Variants in SPEN observed in about 807,000 individuals in gnomAD.
SPEN encodes msx2-interacting protein.
Under a neutral mutation model 269.9 loss-of-function variants are expected in SPEN, and 18 were observed. That is an observed-to-expected ratio of 0.07 (90% CI 0.05 to 0.10). SPEN has a LOEUF of 0.10. SPEN is among the 10% of genes least tolerant of loss of function. SPEN has a pLI of 1.00. For missense variants in SPEN, 3,822 were observed against 4,631.2 expected, an observed-to-expected ratio of 0.83 and a Z score of 5.07; for synonymous variants, 1,726 against 1,765.7, an observed-to-expected ratio of 0.98 and a Z score of 0.56.
At chr1:15,872,669 C>T (rs887245393) in intron 1 of SPEN, 147 bp from the exon 2 acceptor site, 83 of 464,488 alleles carry the variant, frequency 1.8e-4, no homozygotes, top group South Asian at 5.7e-4. Flanking sequence ...GAGAGAAAAA[C>T]GTTAAGTGTA....
At chr1:15,906,684 G>A (rs1034298943) in intron 3 of SPEN, among the ~76,000 whole-genome samples, 4 of 151,010 alleles carry the variant, frequency 2.6e-5, no homozygotes, top group Admixed American at 1.3e-4. Context: ...GGCTAGCCTC[G>A]AACTCCTGGC....
intron 5 of SPEN, among the ~76,000 whole-genome samples, chr1:15,912,051 C>G (rs1324442445): frequency 6.6e-6 from 1 of 152,190 alleles, no homozygotes; most frequent in Non-Finnish European, 1.5e-5. Context: ...ATGTCCAATA[C>G]AAGTTGGGTC....
intron 5 of SPEN, among the ~76,000 whole-genome samples, chr1:15,911,676 T>G (rs1215384069): frequency 6.6e-6 from 1 of 152,160 alleles, no homozygotes; most frequent in Non-Finnish European, 1.5e-5. Flanking sequence ...GGAAACTACT[T>G]CTGGTTGGGC....
At chr1:15,911,686 C>T (rs969354176) in intron 5 of SPEN, among the ~76,000 whole-genome samples, 2 of 152,136 alleles carry the variant, frequency 1.3e-5, no homozygotes, top group Admixed American at 6.5e-5. Context: ...TCTGGTTGGG[C>T]GCAGTGGCTC....
In SPEN at chr1:15,929,342, G is replaced by A. The variant is rs1261545504; in HGVS notation, c.3102G>A (p.Glu1034=). ...SREVILLREG[E]AERKPVRKEI... is the part of the protein sequence containing the mutation. Reference sequence around the variant, plus strand: ...AGGTCATTCTGCTGAGGGAAGGAGAGGCTGAAAGAAAGCCTGTGAGGAAAG... The same window carrying A: ...AGGTCATTCTGCTGAGGGAAGGAGAAGCTGAAAGAAAGCCTGTGAGGAAAG... The change falls in exon 11 of 15, where the codon GAG becomes GAA. Residue 1034 remains glutamate, a synonymous_variant. Coordinates refer to ENST00000375759, the MANE Select transcript of SPEN (RefSeq NM_015001.3). This position sits in a 1 kb window ranked among gnomAD's most constrained non-coding sequence, Gnocchi z 5.8. 1 of 1,612,862 alleles carries A rather than the reference G, an allele frequency of 6.2e-7. No homozygotes were observed. Among genetic ancestry groups the A allele is most frequent in the African/African-American group, 1.3e-5 (1 of 74,746 alleles).
At position 15,933,946 on chromosome 1, in the gene SPEN, A is replaced by G; in HGVS notation, c.7706A>G (p.His2569Arg). Residue 2569 changes from histidine to arginine, a missense_variant, in exon 11 of 15, where the codon CAT (histidine) becomes CGT (arginine). Around this residue, in one of 16 missense-constraint regions of SPEN, gnomAD observed 727 missense variants for 737.9 expected, o/e 0.99. Coordinates refer to ENST00000375759, the MANE Select transcript of SPEN (RefSeq NM_015001.3). The surrounding 1 kb of genome is among the most constrained non-coding windows in gnomAD (Gnocchi z 5.7). ...CCTGTCAGTGCTGCCCCTTGCCTACATGAGGCCCCGCCCCCGCCAGTTGAC... is the reference window on the plus strand; with the variant it reads ...CCTGTCAGTGCTGCCCCTTGCCTACGTGAGGCCCCGCCCCCGCCAGTTGAC... Reference protein sequence around the residue: ...AEPVSAAPCLHEAPPPPVDSK... With the variant: ...AEPVSAAPCLREAPPPPVDSK... 5.0e-6 allele frequency: 8 copies of G among 1,614,016 alleles called. No homozygotes were observed. The highest frequency in any genetic ancestry group is 5.9e-6 in the Non-Finnish European group (7 of 1,179,936).
chr1:15,871,109 T>C (rs537484722), intron 1 of SPEN, among the ~76,000 whole-genome samples: 1 of 152,108 alleles, frequency 6.6e-6, no homozygotes, highest in Non-Finnish European at 1.5e-5. Context: ...GCTGGGATTA[T>C]AGGCGTGTGC....
intron 3 of SPEN, among the ~76,000 whole-genome samples, chr1:15,901,721 A>G (rs1223111718): frequency 6.6e-6 from 1 of 151,776 alleles, no homozygotes; most frequent in Non-Finnish European, 1.5e-5. Flanking sequence ...GTGGAGTTGA[A>G]AATGGTAATG....
chr1:15,870,144 A>G (rs938222268), intron 1 of SPEN, among the ~76,000 whole-genome samples: 9 of 152,166 alleles, frequency 5.9e-5, no homozygotes, highest in Non-Finnish European at 1.3e-4. Context: ...TGCTGCGATT[A>G]CAGGTGTGAG....
chr1:15,886,839 T>G (rs1200337686), intron 3 of SPEN, among the ~76,000 whole-genome samples: 1 of 152,184 alleles, frequency 6.6e-6, no homozygotes, highest in Non-Finnish European at 1.5e-5. Flanking sequence ...ACTGTCCCTC[T>G]CACCCCTTCT....
At chr1:15,916,510 CTT>C (rs34713584) in intron 6 of SPEN, among the ~76,000 whole-genome samples, 347 of 113,524 alleles carry the variant, frequency 3.1e-3, no homozygotes, top group African/African-American at 0.01. Flanking sequence ...TTTCTTACCT[CTT>C]TTTTTTTTTT....
In SPEN at chr1:15,909,362, G is replaced by A. The variant is rs752245407; in HGVS notation, c.923G>A (p.Arg308Gln). Residue 308 changes from arginine to glutamine, a missense_variant, in exon 4 of 15, where the codon CGA becomes CAA. Arg to Gln is a conservative substitution (Grantham distance 43, BLOSUM62 1). Around this residue, in one of 16 missense-constraint regions of SPEN, gnomAD observed 327 missense variants for 350.8 expected, o/e 0.93. Coordinates refer to ENST00000375759, the MANE Select transcript of SPEN (RefSeq NM_015001.3). ...AGTTCAAGTGATGATTCTCCAGCTC[G>A]ATCAGTTCAGTCTGCAGCAGTCCCT... is the stretch of plus-strand genomic sequence containing the variant. ...SSSSSDDSPARSVQSAAVPAP... is the reference protein window; with the variant it reads ...SSSSSDDSPAQSVQSAAVPAP... The A allele has an allele frequency of 3.1e-6, 5 of 1,613,764 alleles. No individual in the cohort carries two copies. Among genetic ancestry groups the A allele is most frequent in the East Asian group, 2.2e-5 (1 of 44,866 alleles).
chr1:15,856,339 A>G (rs1451880642), intron 1 of SPEN, among the ~76,000 whole-genome samples: 1 of 152,042 alleles, frequency 6.6e-6, no homozygotes, highest in East Asian at 1.9e-4. Flanking sequence ...TTCAGGAGGA[A>G]GTACTAAACT....
At chr1:15,883,252 C>T (rs1570001386) in intron 3 of SPEN, among the ~76,000 whole-genome samples, 2 of 152,132 alleles carry the variant, frequency 1.3e-5, no homozygotes, top group East Asian at 1.9e-4. Context: ...AGTTCCTGGG[C>T]GGGGAAGCAG....
rs551369165 is a variant in SPEN at position 15,867,423 on chromosome 1, C to T, written c.84-5393C>T. 5.3e-5 allele frequency among the ~76,000 whole-genome samples: 8 copies of T among 152,212 alleles called. No homozygotes were observed. In the South Asian group the frequency reaches 1.2e-3, roughly 24 times the overall value. ...ATGTTGCGCAGGCTGGTCTCCAATT[C>T]CTGAGCTCAAGCAATCTGCCCACCT... On this transcript the variant is annotated intron_variant, in intron 1 of 14. Coordinates refer to ENST00000375759, the MANE Select transcript of SPEN (RefSeq NM_015001.3).
chr1:15,906,187 T>C (rs534135662), intron 3 of SPEN, among the ~76,000 whole-genome samples: 1 of 152,324 alleles, frequency 6.6e-6, no homozygotes, highest in African/African-American at 2.4e-5. Flanking sequence ...CTAATGTCAA[T>C]GACAATATCG....
chr1:15,865,715 C>T (rs367616417), intron 1 of SPEN, among the ~76,000 whole-genome samples: 4 of 152,060 alleles, frequency 2.6e-5, no homozygotes, highest in Admixed American at 6.6e-5. Context: ...TGTGAGCCAC[C>T]GCACCCAGCC....
chr1:15,938,347 C>G (rs2148745616), intron 13 of SPEN, among the ~76,000 whole-genome samples: 1 of 152,184 alleles, frequency 6.6e-6, no homozygotes, highest in African/African-American at 2.4e-5. Context: ...AACTCCTGAC[C>G]TCAAGTGATC....
rs1195174281 is a variant in SPEN at position 15,932,109 on chromosome 1, C to T, written c.5869C>T (p.Arg1957Cys). Residue 1957 changes from arginine (R) to cysteine (C), a missense_variant, in exon 11 of 15, where the codon CGC (arginine) becomes TGC (cysteine). Physicochemically the swap from Arg to Cys is radical, Grantham distance 180 (BLOSUM62 -3). Around this residue, in one of 16 missense-constraint regions of SPEN, gnomAD observed 533 missense variants for 618.8 expected, o/e 0.86. Coordinates refer to ENST00000375759, the MANE Select transcript of SPEN (RefSeq NM_015001.3). This position sits in a 1 kb window ranked among gnomAD's most constrained non-coding sequence, Gnocchi z 4.2. Reference sequence around the variant, plus strand: ...TCGGAGGGGAAGGCCTCCAAAGACACGCCGGCGAGCCGATGAAGAGGAGGA... The same window carrying T: ...TCGGAGGGGAAGGCCTCCAAAGACATGCCGGCGAGCCGATGAAGAGGAGGA... The part of the protein sequence containing the change: ...TPRRGRPPKT[R>C]RRADEEEENE... The T allele has an allele frequency of 2.5e-6, 4 of 1,613,516 alleles. No homozygotes were observed. The highest frequency in any genetic ancestry group is 4.5e-5 in the East Asian group (2 of 44,896).
Sources: allele counts gnomAD v4.1 joint callset (sites outside exome capture counted in the v4.1 genomes callset), GRCh38; gene constraint gnomAD v4.1.1; regional missense constraint gnomAD v4.1.1; non-coding constraint Gnocchi (gnomAD v3.1); transcripts MANE v1.5; gene names NCBI Gene and HGNC (gene_info 2026-07-23, HGNC 2026-07-21).